Variants in IMMP2L observed in about 807,000 individuals in gnomAD.
The protein encoded by IMMP2L is mitochondrial inner membrane protease subunit 2.
Under a neutral mutation model 19.3 loss-of-function variants are expected in IMMP2L, and 18 were observed. The ratio of observed to expected loss-of-function variants is 0.93; its 90% CI spans 0.64 to 1.38. IMMP2L has a LOEUF of 1.38. Ranked by LOEUF, IMMP2L falls within the 40% of genes most tolerant of loss-of-function variation. IMMP2L has a pLI of 0.00. For synonymous variants in IMMP2L, 76 were observed against 73.0 expected (o/e 1.04, Z -0.21); for missense variants, 233 against 218.2 (o/e 1.07, Z -0.43).
At chr7:111,482,956 A>G (rs193021579) in intron 3 of IMMP2L, among the ~76,000 whole-genome samples, 29 of 152,312 alleles carry the variant, frequency 1.9e-4, no homozygotes, top group African/African-American at 7.0e-4. Flanking sequence ...CTAAAGAGAC[A>G]TAAAAAATAA....
chr7:110,763,777 G>T (rs1482059709), intron 5 of IMMP2L, among the ~76,000 whole-genome samples: 1 of 152,110 alleles, frequency 6.6e-6, no homozygotes, highest in African/African-American at 2.4e-5. Context: ...TTGTTGGACA[G>T]AAATCCTCCT....
Position 110,902,719 on chromosome 7 carries a change from T to C in IMMP2L, c.306-16024A>G, listed in dbSNP as rs1156334494. ...GCGGGCGGATCACGAGGTCAGGAGA[T>C]CGAGACCATCCCGGCTAAAACGGTG... On this transcript the variant is annotated intron_variant, in intron 4 of 5. Coordinates refer to ENST00000405709, the MANE Select transcript of IMMP2L (RefSeq NM_032549.4). Among the ~76,000 whole-genome samples the C allele has an allele frequency of 2.8e-4, 11 of 38,636 alleles. 3 individuals carry two copies. Among genetic ancestry groups the C allele is most frequent in the Admixed American group, 1.0e-3 (4 of 4,018 alleles). 25.3% of individuals were successfully genotyped at this position (38,636 alleles called of 152,430 possible).
At chr7:111,535,868 T>C (rs538971266) in intron 1 of IMMP2L, among the ~76,000 whole-genome samples, 19 of 149,634 alleles carry the variant, frequency 1.3e-4, no homozygotes, top group African/African-American at 3.8e-4. Flanking sequence ...AATGAGTATA[T>C]GTAGTACTCA....
At chr7:111,402,822 C>T (rs1264163011) in intron 3 of IMMP2L, among the ~76,000 whole-genome samples, 1 of 149,820 alleles carries the variant, frequency 6.7e-6, no homozygotes, top group Admixed American at 6.7e-5. Context: ...CTAATACCTT[C>T]ACAATGGAAA....
chr7:110,810,098 G>C (rs971012809), intron 5 of IMMP2L, among the ~76,000 whole-genome samples: 2 of 151,970 alleles, frequency 1.3e-5, no homozygotes, highest in South Asian at 2.1e-4. Flanking sequence ...CTTCCATCTC[G>C]TTCCCAACTC....
chr7:111,122,359 A>G (rs1800748367), intron 3 of IMMP2L: 1 of 155,670 alleles, frequency 6.4e-6, no homozygotes, highest in Non-Finnish European at 1.4e-5. Context: ...GGTATTTTTC[A>G]TTTGTACTAA....
chr7:111,500,273 T>A (rs1844061593), intron 2 of IMMP2L, among the ~76,000 whole-genome samples: 1 of 152,146 alleles, frequency 6.6e-6, no homozygotes, highest in South Asian at 2.1e-4. Flanking sequence ...CGCCTGCCAT[T>A]GCCGAGGCTC....
chr7:110,831,258 C>G (rs915662429), intron 5 of IMMP2L, among the ~76,000 whole-genome samples: 18 of 152,150 alleles, frequency 1.2e-4, no homozygotes, highest in African/African-American at 3.9e-4. Context: ...CCATCTTCAA[C>G]AGCTTCTCTC....
intron 1 of IMMP2L, among the ~76,000 whole-genome samples, chr7:111,542,957 G>A (rs554779449): frequency 3.3e-5 from 5 of 152,168 alleles, no homozygotes; most frequent in African/African-American, 1.2e-4. Flanking sequence ...AAAAAATTCT[G>A]CCCTTTTGCA....
chr7:111,336,997 A>G (rs1296148764), intron 3 of IMMP2L, among the ~76,000 whole-genome samples: 1 of 152,082 alleles, frequency 6.6e-6, no homozygotes, highest in Non-Finnish European at 1.5e-5. Context: ...CAATTGTTCC[A>G]ATCTTTTCTC....
intron 3 of IMMP2L, among the ~76,000 whole-genome samples, chr7:111,075,294 T>A (rs1047525689): frequency 6.6e-6 from 1 of 151,816 alleles, no homozygotes; most frequent in Non-Finnish European, 1.5e-5. Flanking sequence ...GCACTGCTAA[T>A]TTTTTGTGTT....
rs976046226 is a variant in IMMP2L, at chr7:111,445,715, G to A, written c.239+41523C>T. On this transcript the variant is annotated intron_variant, in intron 3 of 5. Coordinates refer to ENST00000405709, the MANE Select transcript of IMMP2L (RefSeq NM_032549.4). ...GGGAAGAGGAGGAGCCAAGATGGCC[G>A]AATAGGAACAGCTCCGGTCTACAGC... Among the ~76,000 whole-genome samples, 11 of 152,278 alleles carry A rather than the reference G, an allele frequency of 7.2e-5. 1 individual carries two copies. The highest frequency in any genetic ancestry group is 3.9e-4 in the Admixed American group (6 of 15,294).
At chr7:110,773,639 C>G (rs6957823) in intron 5 of IMMP2L, among the ~76,000 whole-genome samples, 40,152 of 151,842 alleles carry the variant, frequency 0.26, 6,017 homozygotes, top group African/African-American at 0.41. Flanking sequence ...GCAACTACAA[C>G]GAAACAACTG....
chr7:111,215,534 A>T (rs1275359005), intron 3 of IMMP2L, among the ~76,000 whole-genome samples: 1 of 152,160 alleles, frequency 6.6e-6, no homozygotes, highest in Non-Finnish European at 1.5e-5. Flanking sequence ...GAAGGCACCC[A>T]TTTAGTCTAA....
chr7:110,990,333 C>A (rs1391587252), intron 3 of IMMP2L, among the ~76,000 whole-genome samples: 1 of 152,096 alleles, frequency 6.6e-6, no homozygotes, highest in Non-Finnish European at 1.5e-5. Context: ...AAGATTCAAA[C>A]TTAAATATTC....
intron 3 of IMMP2L, among the ~76,000 whole-genome samples, chr7:111,352,047 A>G (rs1038056592): frequency 1.3e-5 from 2 of 152,162 alleles, no homozygotes; most frequent in African/African-American, 4.8e-5. Flanking sequence ...TGCATTTTAT[A>G]TCAGTATGCT....
intron 5 of IMMP2L, among the ~76,000 whole-genome samples, chr7:110,832,959 T>C (rs2131392207): frequency 6.6e-6 from 1 of 152,306 alleles, no homozygotes; most frequent in South Asian, 2.1e-4. Flanking sequence ...CTGACATGTT[T>C]TCCTCTGGGA....
chr7:110,990,619 C>T (rs960370450), intron 3 of IMMP2L, among the ~76,000 whole-genome samples: 3 of 152,128 alleles, frequency 2.0e-5, no homozygotes, highest in Non-Finnish European at 4.4e-5. Flanking sequence ...AGAAACTCTC[C>T]TTTTCTTTGT....
chr7:111,559,389 G>A (rs913453351), intron 1 of IMMP2L, among the ~76,000 whole-genome samples: 1 of 152,112 alleles, frequency 6.6e-6, no homozygotes, highest in African/African-American at 2.4e-5. Flanking sequence ...GAAATCCTAA[G>A]TTTAAGTACT....
Sources: gnomAD v4.1 joint callset for allele counts (sites outside exome capture counted in the v4.1 genomes callset) on GRCh38, gnomAD v4.1.1 for gene constraint, MANE v1.5 for transcripts, NCBI Gene and HGNC (gene_info 2026-07-23, HGNC 2026-07-21) for gene names.